ETF1: variants seen among roughly 807,000 people sequenced by gnomAD.
The protein encoded by ETF1 is eukaryotic peptide chain release factor subunit 1.
In ETF1, 4 loss-of-function variants were observed where a neutral mutation model predicts 55.1. The ratio of observed to expected loss-of-function variants is 0.07; its 90% confidence interval spans 0.04 to 0.17. ETF1 has a LOEUF of 0.17. Ranked by LOEUF, ETF1 falls within the 10% of genes least tolerant of loss-of-function variation. The pLI is 1.00. For synonymous variants in ETF1, 157 were observed against 182.3 expected, an observed-to-expected ratio of 0.86 and a Z score of 1.12; for missense variants, 142 against 523.6, an observed-to-expected ratio of 0.27 and a Z score of 7.11.
At chr5:138,509,562 G>A (rs1764680786) in intron 9 of ETF1, among the ~76,000 whole-genome samples, 1 of 152,012 alleles carries the variant, frequency 6.6e-6, no homozygotes, top group Non-Finnish European at 1.5e-5. Flanking sequence ...AGGAGTTCAA[G>A]ACCAGCCTGG....
At chr5:138,529,592 C>A (rs528465025) in intron 2 of ETF1, 1 of 985,456 alleles carries the variant, frequency 1.0e-6, no homozygotes, top group African/African-American at 1.7e-5. Context: ...GGCCTCTGCA[C>A]TCAGATTCTC....
intron 2 of ETF1, among the ~76,000 whole-genome samples, chr5:138,527,836 G>C (rs1580706763): frequency 6.6e-6 from 1 of 151,818 alleles, no homozygotes; most frequent in South Asian, 2.1e-4. Flanking sequence ...GCAGTGGCAC[G>C]ATGTCACCTC....
At chr5:138,538,204 T>TATTATTA (rs1237999094) in intron 2 of ETF1, among the ~76,000 whole-genome samples, 9 of 147,078 alleles carry the variant, frequency 6.1e-5, no homozygotes, top group South Asian at 2.2e-4. Flanking sequence ...CCCCTATTAT[T>TATTATTA]TTTGAGACAG....
intron 8 of ETF1, 133 bp downstream of exon 8, chr5:138,510,912 A>T (rs1048469536): frequency 1.4e-6 from 2 of 1,477,924 alleles, no homozygotes; most frequent in African/African-American, 2.8e-5. Context: ...AATGTGCTAC[A>T]GACTGAAGGA....
At chr5:138,537,629 C>T (rs1765992767) in intron 2 of ETF1, among the ~76,000 whole-genome samples, 1 of 152,020 alleles carries the variant, frequency 6.6e-6, no homozygotes, top group African/African-American at 2.4e-5. Flanking sequence ...GCTCTGTCGC[C>T]CAGGCTGGAG....
At chr5:138,522,399 T>G (rs1392327487) in intron 2 of ETF1, among the ~76,000 whole-genome samples, 1 of 152,074 alleles carries the variant, frequency 6.6e-6, no homozygotes, top group Non-Finnish European at 1.5e-5. Context: ...TTCAATGCTG[T>G]TGGGAATGTT....
At position 138,537,373 on chromosome 5, in the gene ETF1, T is replaced by G. The variant is rs577778682; in HGVS notation, c.86+5460A>C. ...AGAGCTAACATTACAGAGCACTCTC[T>G]ATGTGGCAAATGTGGTGTTAAGTAT... On this transcript the variant is annotated intron_variant, in intron 2 of 10. Coordinates refer to ENST00000360541, the MANE Select transcript of ETF1 (RefSeq NM_004730.4). Among the ~76,000 whole-genome samples the G allele has an allele frequency of 2.6e-5, 4 of 152,314 alleles. No individual in the cohort carries two copies. The East Asian group carries it at 7.7e-4, about 29-fold the overall frequency.
chr5:138,509,579 C>G (rs1365335255), intron 9 of ETF1, among the ~76,000 whole-genome samples: 2 of 151,880 alleles, frequency 1.3e-5, no homozygotes, highest in African/African-American at 4.8e-5. Flanking sequence ...CTGGTGAACA[C>G]AGCAAGACCC....
intron 2 of ETF1, among the ~76,000 whole-genome samples, chr5:138,530,315 G>T (rs1765645853): frequency 6.6e-6 from 1 of 151,934 alleles, no homozygotes. Flanking sequence ...GTCTCGCTCT[G>T]CCACCCAGGC....
intron 2 of ETF1, among the ~76,000 whole-genome samples, chr5:138,521,521 A>G (rs1561836188): frequency 6.6e-6 from 1 of 152,152 alleles, no homozygotes; most frequent in Non-Finnish European, 1.5e-5. Flanking sequence ...TAGTCCATTT[A>G]TAACTTATTT....
At chr5:138,531,887 A>T (rs1765714058) in intron 2 of ETF1, among the ~76,000 whole-genome samples, 1 of 152,108 alleles carries the variant, frequency 6.6e-6, no homozygotes, top group Non-Finnish European at 1.5e-5. Flanking sequence ...TCTACTAAAA[A>T]TGCAAAAAAA....
intron 2 of ETF1, among the ~76,000 whole-genome samples, chr5:138,535,711 A>C (rs1373289862): frequency 7.0e-6 from 1 of 143,290 alleles, no homozygotes; most frequent in Non-Finnish European, 1.5e-5. Flanking sequence ...AGAGAGCAAG[A>C]CCGTCTCAAA....
chr5:138,518,969 T>C (rs1765128443), intron 2 of ETF1, 102 bp from the exon 3 acceptor site: 2 of 1,544,452 alleles, frequency 1.3e-6, no homozygotes, highest in East Asian at 2.3e-5. Flanking sequence ...CCCAAAGTTA[T>C]GGAAACAGGT....
chr5:138,523,037 A>T (rs369753143), intron 2 of ETF1, among the ~76,000 whole-genome samples: 204 of 150,698 alleles, frequency 1.4e-3, no homozygotes, highest in Middle Eastern at 6.8e-3. Context: ...AAACAAAAAA[A>T]CCCTTACACT....
chr5:138,512,249 TA>T (rs1407389104), intron 6 of ETF1, among the ~76,000 whole-genome samples: 1 of 10,358 alleles, frequency 9.7e-5, no homozygotes, highest in African/African-American at 3.4e-4. Context: ...TATATATATA[TA>T]TATATATATT....
In ETF1 at chr5:138,517,650, C is replaced by G; in HGVS notation, c.313G>C (p.Gly105Arg). Reference sequence around the variant, plus strand: ...TCAATGTTGACTTTCTTTTCCTTTCCTTCTTCTGTTACAATTGTTCCACAG... The same window carrying G: ...TCAATGTTGACTTTCTTTTCCTTTCGTTCTTCTGTTACAATTGTTCCACAG... ...VYCGTIVTEE[G>R]KEKKVNIDFE... The change falls in exon 4 of 11, where the codon GGA (glycine) becomes CGA (arginine). Residue 105 changes from glycine to arginine, a missense_variant. Gly to Arg is a moderately radical substitution (Grantham distance 125, BLOSUM62 -2). Transcript: ENST00000360541. The G allele has an allele frequency of 6.3e-7, 1 of 1,590,040 alleles. No individual in the cohort carries two copies. Among genetic ancestry groups the G allele is most frequent in the Non-Finnish European group, 8.6e-7 (1 of 1,163,974 alleles).
At chr5:138,530,602 T>TC (rs1374952991) in intron 2 of ETF1, among the ~76,000 whole-genome samples, 1 of 151,950 alleles carries the variant, frequency 6.6e-6, no homozygotes, top group Non-Finnish European at 1.5e-5. Context: ...AGACAGAGTC[T>TC]CACTCTTGTC....
chr5:138,511,653 ATAT>A, intron 6 of ETF1, 49 bp from the exon 7 acceptor site: 2 of 1,534,344 alleles, frequency 1.3e-6, no homozygotes, highest in Non-Finnish European at 1.8e-6. Flanking sequence ...CTTATTTAAA[ATAT>A]TATTAAAACA....
rs1297493087 is a variant in ETF1, at chr5:138,508,272, T to C, written c.*33A>G. The C allele has an allele frequency of 6.2e-7, 1 of 1,606,828 alleles. No homozygotes were observed. The highest frequency in any genetic ancestry group is 8.5e-7 in the Non-Finnish European group (1 of 1,177,062). On this transcript the variant is annotated 3_prime_UTR_variant, in exon 11 of 11. Transcript: ENST00000360541. ...GCTCCTTGGGTTGGATGCTGGAGGG[T>C]GAGGCACGTTTTGCCGGACCCATGT...
Sources: allele counts gnomAD v4.1 joint callset (sites outside exome capture counted in the v4.1 genomes callset), GRCh38; gene constraint gnomAD v4.1.1; transcripts MANE v1.5; gene names NCBI Gene and HGNC (gene_info 2026-07-23, HGNC 2026-07-21).